Variants in BNC2 observed in about 807,000 individuals in gnomAD.
The protein encoded by BNC2 is zinc finger protein basonuclin-2.
In BNC2, 20 loss-of-function variants were observed where a neutral mutation model predicts 76.3. That is an observed-to-expected ratio of 0.26 (90% CI 0.18 to 0.38). The LOEUF is 0.38. Ranked by LOEUF, BNC2 falls within the 10% of genes least tolerant of loss-of-function variation. The probability of loss-of-function intolerance (pLI) is 1.00; values close to 1 mark genes in which losing one functional copy is unlikely to be tolerated. For missense variants in BNC2, 1,382 were observed against 1,399.8 expected (o/e 0.99, Z 0.20); for synonymous variants, 582 against 514.8 (o/e 1.13, Z -1.77).
chr9:16,511,449 G>GAAA (rs1822754337), intron 5 of BNC2, among the ~76,000 whole-genome samples: 1 of 124,118 alleles, frequency 8.1e-6, no homozygotes, highest in Non-Finnish European at 1.7e-5. Flanking sequence ...TTTTTTTGAG[G>GAAA]CAGGGTCTTG....
chr9:16,864,168 G>A (rs1819480280), intron 1 of BNC2, among the ~76,000 whole-genome samples: 1 of 152,086 alleles, frequency 6.6e-6, no homozygotes, highest in Non-Finnish European at 1.5e-5. Context: ...AAAGAACCAG[G>A]CTATGCTAGA....
At chr9:16,734,612 A>G (rs1198431295) in intron 2 of BNC2, among the ~76,000 whole-genome samples, 1 of 152,342 alleles carries the variant, frequency 6.6e-6, no homozygotes, top group East Asian at 1.9e-4. Context: ...CCAAGTTGGA[A>G]ATAAGACATA....
intron 1 of BNC2, among the ~76,000 whole-genome samples, chr9:16,811,515 G>A (rs759109337): frequency 7.9e-6 from 1 of 126,228 alleles, no homozygotes; most frequent in Non-Finnish European, 1.6e-5. Context: ...TCGAGCCATT[G>A]CACTCCAGCC....
intron 5 of BNC2, among the ~76,000 whole-genome samples, chr9:16,512,129 C>T (rs559956112): frequency 2.6e-5 from 4 of 152,084 alleles, no homozygotes; most frequent in African/African-American, 4.8e-5. Context: ...AAGCTTCACA[C>T]GCATTACCCT....
intron 3 of BNC2, among the ~76,000 whole-genome samples, chr9:16,689,069 A>AT (rs1276900865): frequency 6.7e-6 from 1 of 149,054 alleles, no homozygotes; most frequent in Non-Finnish European, 1.5e-5. Flanking sequence ...CAGAAAACAT[A>AT]TTTTCTGTGG....
At position 16,832,538 on chromosome 9, in the gene BNC2, C is replaced by T. The variant is rs569743938; in HGVS notation, c.3+38108G>A. On this transcript the variant is annotated intron_variant, in intron 1 of 6. Transcript: ENST00000380672. ...CCTGACTGTAAAACAAGTGAATCAA[C>T]GAATCCGAACCCAAGTTCTATAATA... Among the ~76,000 whole-genome samples, 14 of 152,266 alleles carry T rather than the reference C, an allele frequency of 9.2e-5. No individual in the cohort carries two copies. In the East Asian group the frequency reaches 1.5e-3, roughly 17 times the overall value.
intron 6 of BNC2, among the ~76,000 whole-genome samples, chr9:16,430,248 T>C (rs1200165044): frequency 6.6e-6 from 1 of 152,098 alleles, no homozygotes; most frequent in Non-Finnish European, 1.5e-5. Flanking sequence ...CTGCACAACT[T>C]CATGTTGTAA....
At position 16,866,662 on chromosome 9, in the gene BNC2, TTAAA is replaced by T. The variant is rs1422690399; in HGVS notation, c.3+3980_3+3983del. ...GAAAGTTCTTTTGCTTCTGTCACTTTTAAAAAAAAAAAAAAAAAAAAAACCATAA... is the reference window on the plus strand; with the variant it reads ...GAAAGTTCTTTTGCTTCTGTCACTTTAAAAAAAAAAAAAAAAAAACCATAA... On this transcript the variant is annotated intron_variant, in intron 1 of 6. Transcript: ENST00000380672. 1.0e-3 allele frequency among the ~76,000 whole-genome samples: 136 copies of T among 131,276 alleles called. 1 individual carries two copies. Among genetic ancestry groups the T allele is most frequent in the South Asian group, 2.1e-3 (8 of 3,826 alleles). 86.1% of individuals were successfully genotyped at this position (131,276 alleles called of 152,430 possible).
chr9:16,846,701 T>G (rs1818990917), intron 1 of BNC2, among the ~76,000 whole-genome samples: 1 of 152,216 alleles, frequency 6.6e-6, no homozygotes, highest in Non-Finnish European at 1.5e-5. Flanking sequence ...TCTAAGTTTG[T>G]GAAAATTCTA....
At chr9:16,773,149 CCAGA>C (rs1433214215) in intron 1 of BNC2, among the ~76,000 whole-genome samples, 2 of 152,070 alleles carry the variant, frequency 1.3e-5, no homozygotes, top group African/African-American at 2.4e-5. Flanking sequence ...ACACTCTTGC[CCAGA>C]CAGACGGATG....
chr9:16,827,977 C>T (rs555605098), intron 1 of BNC2, among the ~76,000 whole-genome samples: 1 of 152,094 alleles, frequency 6.6e-6, no homozygotes, highest in Non-Finnish European at 1.5e-5. Context: ...ATAGAATTAC[C>T]TTATATATCC....
At chr9:16,506,960 G>T (rs1165715488) in intron 5 of BNC2, among the ~76,000 whole-genome samples, 1 of 151,904 alleles carries the variant, frequency 6.6e-6, no homozygotes, top group African/African-American at 2.4e-5. Flanking sequence ...ACACCACATT[G>T]ACCAGGCTGG....
At chr9:16,608,367 G>C (rs752402716) in intron 3 of BNC2, among the ~76,000 whole-genome samples, 3 of 151,952 alleles carry the variant, frequency 2.0e-5, no homozygotes, top group Non-Finnish European at 2.9e-5. Context: ...CTCTGTCTCT[G>C]TACAGGGGAG....
At position 16,444,800 on chromosome 9, in the gene BNC2, AC is replaced by A. The variant is rs1821198256; in HGVS notation, c.670-7277del. 2.6e-5 allele frequency among the ~76,000 whole-genome samples: 4 copies of A among 152,280 alleles called. No homozygotes were observed. In the South Asian group the frequency reaches 8.3e-4, roughly 32 times the overall value. On this transcript the variant is annotated intron_variant, in intron 5 of 6. Transcript: ENST00000380672. ...CTTCTCTCTCATTCTCCCGCTATTT[AC>A]CTGTTTTGTAACTGAGATGGGTCCA...
chr9:16,600,170 T>C (rs1460742423), intron 3 of BNC2, among the ~76,000 whole-genome samples: 1 of 152,194 alleles, frequency 6.6e-6, no homozygotes, highest in Non-Finnish European at 1.5e-5. Context: ...CCTTGTAAGT[T>C]TGTGAGATGG....
At chr9:16,708,553 A>T (rs539541995) in intron 3 of BNC2, among the ~76,000 whole-genome samples, 29 of 152,260 alleles carry the variant, frequency 1.9e-4, no homozygotes, top group Middle Eastern at 3.4e-3. Flanking sequence ...AAAGGACAAG[A>T]TGTGTATGGA....
At chr9:16,712,395 T>C (rs184912602) in intron 3 of BNC2, among the ~76,000 whole-genome samples, 2 of 152,282 alleles carry the variant, frequency 1.3e-5, no homozygotes, top group South Asian at 2.1e-4. Context: ...TGGGAAATAA[T>C]GGGAATGGAA....
chr9:16,598,454 G>C (rs1386614694), intron 3 of BNC2, among the ~76,000 whole-genome samples: 3 of 152,140 alleles, frequency 2.0e-5, no homozygotes, highest in Non-Finnish European at 2.9e-5. Context: ...ATATGCAAAA[G>C]TTGCTGTTCA....
At chr9:16,623,175 G>A (rs1436614921) in intron 3 of BNC2, among the ~76,000 whole-genome samples, 1 of 152,094 alleles carries the variant, frequency 6.6e-6, no homozygotes, top group African/African-American at 2.4e-5. Flanking sequence ...AGACACACAT[G>A]TATCCTTGCT....
Sources: allele counts gnomAD v4.1 joint callset (sites outside exome capture counted in the v4.1 genomes callset), GRCh38; gene constraint gnomAD v4.1.1; transcripts MANE v1.5; gene names NCBI Gene and HGNC (gene_info 2026-07-23, HGNC 2026-07-21).